PAK5: variants seen among roughly 807,000 people sequenced by gnomAD.
PAK5 encodes serine/threonine-protein kinase PAK 5.
In PAK5, 16 loss-of-function variants were observed where a neutral mutation model predicts 65.9. The ratio of observed to expected loss-of-function variants is 0.24; its 90% CI spans 0.16 to 0.37. PAK5 has a LOEUF of 0.37. Ranked by LOEUF, PAK5 falls within the 10% of genes least tolerant of loss-of-function variation. The pLI is 1.00. For missense variants in PAK5, 785 were observed against 903.9 expected (o/e 0.87, Z 1.69); for synonymous variants, 371 against 354.9 (o/e 1.05, Z -0.51).
chr20:9,630,179 T>A (rs1459275300), intron 3 of PAK5, among the ~76,000 whole-genome samples: 1 of 152,168 alleles, frequency 6.6e-6, no homozygotes, highest in Non-Finnish European at 1.5e-5. Flanking sequence ...AATCTGATGA[T>A]GTAAAAAATT....
chr20:9,572,588 T>C (rs1169690324), intron 4 of PAK5, among the ~76,000 whole-genome samples: 1 of 152,220 alleles, frequency 6.6e-6, no homozygotes, highest in Non-Finnish European at 1.5e-5. Flanking sequence ...ATTTGGGATC[T>C]GATTATTTAG....
chr20:9,790,939 T>C (rs1224404846), intron 1 of PAK5, among the ~76,000 whole-genome samples: 1 of 152,150 alleles, frequency 6.6e-6, no homozygotes, highest in African/African-American at 2.4e-5. Flanking sequence ...CCTCTCCACA[T>C]CACGGGGAAT....
chr20:9,834,377 C>T (rs1978981378), intron 1 of PAK5, among the ~76,000 whole-genome samples: 1 of 152,076 alleles, frequency 6.6e-6, no homozygotes, highest in Non-Finnish European at 1.5e-5. Context: ...TTAAACAGGA[C>T]AAATTTAGAC....
At chr20:9,672,000 T>C (rs997430690) in intron 2 of PAK5, among the ~76,000 whole-genome samples, 1 of 152,106 alleles carries the variant, frequency 6.6e-6, no homozygotes, top group Non-Finnish European at 1.5e-5. Flanking sequence ...AAGAGCTTTG[T>C]TCCTAGTCTC....
chr20:9,586,302 T>A (rs2046068687), intron 3 of PAK5, among the ~76,000 whole-genome samples: 1 of 152,158 alleles, frequency 6.6e-6, no homozygotes, highest in Admixed American at 6.6e-5. Flanking sequence ...ATAAGAGCAT[T>A]ATTGAACACC....
At chr20:9,827,992 C>T (rs536875439) in intron 1 of PAK5, among the ~76,000 whole-genome samples, 2 of 152,278 alleles carry the variant, frequency 1.3e-5, no homozygotes, top group South Asian at 4.2e-4. Context: ...CCACCATGCC[C>T]AGCTAATGTT....
chr20:9,705,176 G>A (rs2047990517), intron 2 of PAK5, among the ~76,000 whole-genome samples: 1 of 151,964 alleles, frequency 6.6e-6, no homozygotes, highest in African/African-American at 2.4e-5. Context: ...GCTGTTGAGA[G>A]ACCCTAACCT....
intron 2 of PAK5, among the ~76,000 whole-genome samples, chr20:9,651,232 C>T (rs1477146850): frequency 1.3e-5 from 2 of 152,190 alleles, no homozygotes; most frequent in Non-Finnish European, 2.9e-5. Context: ...TTCTCCCCCT[C>T]AGTGGGTTGT....
intron 1 of PAK5, among the ~76,000 whole-genome samples, chr20:9,732,027 T>C (rs2206487): frequency 0.49 from 74,828 of 151,850 alleles, 18,525 homozygotes; most frequent in South Asian, 0.63. Flanking sequence ...AATTGACATG[T>C]AAGGATTTTC....
chr20:9,571,878 G>GGC (rs1555897699), intron 4 of PAK5, among the ~76,000 whole-genome samples: 7 of 145,930 alleles, frequency 4.8e-5, no homozygotes, highest in East Asian at 2.0e-4. Flanking sequence ...GAATGATGGG[G>GGC]GGGGGGGATG....
chr20:9,621,138 A>G (rs1173551256), intron 3 of PAK5, among the ~76,000 whole-genome samples: 1 of 152,126 alleles, frequency 6.6e-6, no homozygotes, highest in East Asian at 1.9e-4. Context: ...AATTCAAAGC[A>G]TTGATTGAAG....
chr20:9,544,935 A>C (rs1009650974), intron 7 of PAK5, among the ~76,000 whole-genome samples: 2 of 152,192 alleles, frequency 1.3e-5, no homozygotes, highest in Non-Finnish European at 2.9e-5. Context: ...GCACATTTAG[A>C]TTTCTATGTA....
At chr20:9,680,385 C>T (rs1444686476) in intron 2 of PAK5, among the ~76,000 whole-genome samples, 1 of 152,066 alleles carries the variant, frequency 6.6e-6, no homozygotes, top group Non-Finnish European at 1.5e-5. Flanking sequence ...ATGGTAAGAA[C>T]ATGAGGAAGT....
At chr20:9,621,173 T>C (rs1206226312) in intron 3 of PAK5, among the ~76,000 whole-genome samples, 1 of 151,998 alleles carries the variant, frequency 6.6e-6, no homozygotes, top group Non-Finnish European at 1.5e-5. Flanking sequence ...TGCTGAGACA[T>C]GAGGTTTAGA....
intron 2 of PAK5, among the ~76,000 whole-genome samples, chr20:9,654,941 T>TCCCAC (rs1676658448): frequency 6.6e-6 from 1 of 152,224 alleles, no homozygotes; most frequent in Non-Finnish European, 1.5e-5. Context: ...TCTTACTTGT[T>TCCCAC]CCCACAGTTC....
chr20:9,701,925 A>G (rs1340914806), intron 2 of PAK5, among the ~76,000 whole-genome samples: 1 of 152,084 alleles, frequency 6.6e-6, no homozygotes, highest in Non-Finnish European at 1.5e-5. Flanking sequence ...GCTTGAGCCC[A>G]GGAGCTTGAA....
intron 1 of PAK5, among the ~76,000 whole-genome samples, chr20:9,785,908 A>G (rs2048987810): frequency 6.6e-6 from 1 of 152,152 alleles, no homozygotes; most frequent in Non-Finnish European, 1.5e-5. Flanking sequence ...GTCCTAGAAT[A>G]GACTGACCCA....
At chr20:9,712,702 T>C (rs1331259564) in intron 1 of PAK5, among the ~76,000 whole-genome samples, 1 of 152,102 alleles carries the variant, frequency 6.6e-6, no homozygotes, top group East Asian at 1.9e-4. Flanking sequence ...TAAAGGTCAC[T>C]GAAATAAATC....
intron 2 of PAK5, among the ~76,000 whole-genome samples, chr20:9,690,804 G>T (rs530056016): frequency 2.1e-5 from 3 of 144,754 alleles, no homozygotes; most frequent in African/African-American, 7.9e-5. Context: ...GCCAAGGCTG[G>T]AGTGCAATGG....
Sources: allele counts gnomAD v4.1 joint callset (sites outside exome capture counted in the v4.1 genomes callset), GRCh38; gene constraint gnomAD v4.1.1; transcripts MANE v1.5; gene names NCBI Gene and HGNC (gene_info 2026-07-23, HGNC 2026-07-21).